Variants in DSCAM observed in about 807,000 individuals in gnomAD.
The protein encoded by DSCAM is cell adhesion molecule DSCAM.
In DSCAM, 47 loss-of-function variants were observed where a neutral mutation model predicts 217.7. That is an observed-to-expected ratio of 0.22 (90% confidence interval 0.17 to 0.28). DSCAM has a LOEUF of 0.28. Ranked by LOEUF, DSCAM falls within the 10% of genes least tolerant of loss-of-function variation. The pLI, the probability that DSCAM is intolerant of heterozygous loss-of-function variation, is 1.00. For missense variants in DSCAM, 2,080 were observed against 2,618.3 expected, an observed-to-expected ratio of 0.79 and a Z score of 4.49; for synonymous variants, 1,056 against 1,015.3, an observed-to-expected ratio of 1.04 and a Z score of -0.76.
chr21:40,073,180 GA>G (rs1241019190), intron 27 of DSCAM, among the ~76,000 whole-genome samples: 2 of 152,122 alleles, frequency 1.3e-5, no homozygotes, highest in Non-Finnish European at 2.9e-5. Context: ...AGGTGAGTAG[GA>G]AAAATAAAAT....
At chr21:40,819,934 G>A (rs943727410) in intron 1 of DSCAM, among the ~76,000 whole-genome samples, 1 of 152,134 alleles carries the variant, frequency 6.6e-6, no homozygotes, top group Non-Finnish European at 1.5e-5. Context: ...TAATTCCCAA[G>A]AACAGGATAT....
Position 40,828,741 on chromosome 21 carries a change from C to T in DSCAM, c.43+17878G>A, listed in dbSNP as rs148815103. ...CACAATCTCAGCTCACTGCAACCTC[C>T]GCCTTCTGAGCTCAAGTGATTCTCC... On this transcript the variant is annotated intron_variant, in intron 1 of 32. Coordinates refer to ENST00000400454, the MANE Select transcript of DSCAM (RefSeq NM_001389.5). 2.5e-3 allele frequency among the ~76,000 whole-genome samples: 387 copies of T among 151,922 alleles called. 1 individual carries two copies. The highest frequency in any genetic ancestry group is 8.4e-3 in the African/African-American group (349 of 41,418).
At chr21:40,549,310 T>C (rs1367590596) in intron 3 of DSCAM, among the ~76,000 whole-genome samples, 2 of 152,194 alleles carry the variant, frequency 1.3e-5, no homozygotes, top group South Asian at 2.1e-4. Flanking sequence ...TCCTAAGGTG[T>C]TGACTGAGTT....
chr21:40,149,635 G>A lies in DSCAM; in HGVS notation c.3019-4904C>T, dbSNP rs112696804. On this transcript the variant is annotated intron_variant, in intron 16 of 32. Transcript: ENST00000400454. ...GCTCCATCACTATCCCAACACCACC[G>A]TCACTATCACCACCACCATCCATCG... 2.5e-3 allele frequency among the ~76,000 whole-genome samples: 154 copies of A among 60,490 alleles called. 6 individuals carry two copies. Among genetic ancestry groups the A allele is most frequent in the African/African-American group, 8.8e-3 (122 of 13,876 alleles). The allele number at this position is 60,490 out of a possible 152,430, so 39.7% of individuals were successfully genotyped here. A position where few individuals can be genotyped will look rare whatever the true frequency, so the allele number is the denominator to read the frequency against.
chr21:40,109,582 G>A (rs1232069623), intron 20 of DSCAM, among the ~76,000 whole-genome samples: 1 of 152,216 alleles, frequency 6.6e-6, no homozygotes, highest in African/African-American at 2.4e-5. Context: ...AGGACAGCGG[G>A]TGCAGCGCAC....
intron 3 of DSCAM, among the ~76,000 whole-genome samples, chr21:40,604,926 G>A (rs2089212670): frequency 6.6e-6 from 1 of 152,178 alleles, no homozygotes; most frequent in African/African-American, 2.4e-5. Flanking sequence ...ATAGAAGGGG[G>A]CACCAGTGGC....
intron 3 of DSCAM, among the ~76,000 whole-genome samples, chr21:40,531,888 G>A (rs1188211057): frequency 6.6e-6 from 1 of 152,200 alleles, no homozygotes; most frequent in East Asian, 1.9e-4. Flanking sequence ...TCTATTGTGG[G>A]TGTCACTTTG....
chr21:40,367,147 C>T (rs1024310301), intron 4 of DSCAM, among the ~76,000 whole-genome samples: 2 of 152,176 alleles, frequency 1.3e-5, no homozygotes, highest in African/African-American at 4.8e-5. Context: ...GACTCATCTC[C>T]AACCTAGACC....
intron 14 of DSCAM, among the ~76,000 whole-genome samples, chr21:40,186,415 T>G (rs182809040): frequency 1.3e-5 from 2 of 152,174 alleles, no homozygotes; most frequent in Admixed American, 1.3e-4. Flanking sequence ...ATATCTTTTA[T>G]GAGACACAGT....
intron 4 of DSCAM, among the ~76,000 whole-genome samples, chr21:40,354,676 C>T (rs1039897623): frequency 2.0e-5 from 3 of 151,920 alleles, no homozygotes; most frequent in East Asian, 2.0e-4. Context: ...GGTGAAACCC[C>T]GTCTCTACTA....
chr21:40,364,749 C>G (rs553509267), intron 4 of DSCAM, among the ~76,000 whole-genome samples: 23 of 141,858 alleles, frequency 1.6e-4, no homozygotes, highest in African/African-American at 5.7e-4. Context: ...TATACACACA[C>G]TAGTATATAT....
chr21:40,846,293 C>G (rs1422370753), intron 1 of DSCAM, among the ~76,000 whole-genome samples: 1 of 152,060 alleles, frequency 6.6e-6, no homozygotes, highest in Non-Finnish European at 1.5e-5. Flanking sequence ...GGCAATCTTC[C>G]TGTCTCTCCT....
chr21:40,441,747 C>A (rs2075632319), intron 3 of DSCAM, among the ~76,000 whole-genome samples: 1 of 152,116 alleles, frequency 6.6e-6, no homozygotes, highest in African/African-American at 2.4e-5. Context: ...TCTCTGGTTC[C>A]TTCTTAGCTC....
chr21:40,617,944 C>T (rs1411603414), intron 3 of DSCAM, among the ~76,000 whole-genome samples: 4 of 152,242 alleles, frequency 2.6e-5, no homozygotes, highest in Non-Finnish European at 5.9e-5. Context: ...CACCGGCACC[C>T]ACCCACTTTG....
intron 1 of DSCAM, among the ~76,000 whole-genome samples, chr21:40,730,127 A>G (rs1439015323): frequency 6.6e-6 from 1 of 152,134 alleles, no homozygotes; most frequent in Admixed American, 6.5e-5. Flanking sequence ...TTCTATACCT[A>G]ATATGCACCA....
intron 1 of DSCAM, among the ~76,000 whole-genome samples, chr21:40,730,466 G>C (rs571677987): frequency 6.6e-6 from 1 of 152,348 alleles, no homozygotes; most frequent in Admixed American, 6.5e-5. Flanking sequence ...AGATTTCCAA[G>C]AGAGAGTGTG....
At chr21:40,247,064 G>A (rs1348570618) in intron 11 of DSCAM, among the ~76,000 whole-genome samples, 50 of 152,156 alleles carry the variant, frequency 3.3e-4, no homozygotes, top group Admixed American at 3.2e-3. Flanking sequence ...AAACCCATCA[G>A]ATATTGTGAG....
intron 9 of DSCAM, among the ~76,000 whole-genome samples, chr21:40,305,389 CAAAAAAAAAAA>C (rs58738453): frequency 4.4e-5 from 3 of 68,558 alleles, no homozygotes; most frequent in African/African-American, 1.2e-4. Flanking sequence ...GATCCCGTCT[CAAAAAAAAAAA>C]AAAAAAAAGG....
intron 3 of DSCAM, among the ~76,000 whole-genome samples, chr21:40,403,305 T>C (rs1312520289): frequency 6.6e-6 from 1 of 152,046 alleles, no homozygotes; most frequent in East Asian, 1.9e-4. Flanking sequence ...TAAATCTTTT[T>C]TTTTTTTTTT....
Sources: gnomAD v4.1 joint callset for allele counts (sites outside exome capture counted in the v4.1 genomes callset) on GRCh38, gnomAD v4.1.1 for gene constraint, MANE v1.5 for transcripts, NCBI Gene and HGNC (gene_info 2026-07-23, HGNC 2026-07-21) for gene names.